ABR: variants seen among roughly 807,000 people sequenced by gnomAD.
ABR encodes the protein ABR activator of RhoGEF and GTPase, also known as active breakpoint cluster region-related protein.
Under a neutral mutation model 107.2 loss-of-function variants are expected in ABR, and 35 were observed. The observed-to-expected ratio is 0.33, with a 90% CI of 0.25 to 0.43. ABR has a LOEUF of 0.43. ABR is among the 20% of genes least tolerant of loss of function. The pLI, the probability that ABR is intolerant of heterozygous loss-of-function variation, is 1.00. For missense variants in ABR, 815 were observed against 1,115.2 expected (o/e 0.73, Z 3.83); for synonymous variants, 498 against 462.0 (o/e 1.08, Z -1.00).
intron 1 of ABR, among the ~76,000 whole-genome samples, chr17:1,167,702 G>C (rs1355787132): frequency 6.6e-6 from 1 of 152,366 alleles, no homozygotes; most frequent in East Asian, 1.9e-4. Flanking sequence ...GGTTGCCGGA[G>C]GCTAAATGAG....
At chr17:1,067,538 C>T (rs1567692467) in intron 9 of ABR, among the ~76,000 whole-genome samples, 3 of 152,216 alleles carry the variant, frequency 2.0e-5, no homozygotes, top group South Asian at 4.1e-4. Context: ...TCAAGAAGAG[C>T]GAAGCCTTCC....
At position 1,148,642 on chromosome 17, in the gene ABR, G is replaced by A. The variant is rs145278375; in HGVS notation, c.62-23275C>T. 9.8e-5 allele frequency among the ~76,000 whole-genome samples: 15 copies of A among 152,326 alleles called. No individual in the cohort carries two copies. The highest frequency in any genetic ancestry group is 3.9e-4 in the East Asian group (2 of 5,178). On this transcript the variant is annotated intron_variant, in intron 1 of 22. Transcript: ENST00000302538. The surrounding 1 kb of genome is among the most constrained non-coding windows in gnomAD (Gnocchi z 4.9). ...GAGCGTGAGCCCTGTCGTGATCTGC[G>A]CGTGCGAGGGATCGCAGTTCCATCC... is the stretch of plus-strand genomic sequence containing the variant.
chr17:1,173,274 A>C (rs2041805682), intron 1 of ABR, among the ~76,000 whole-genome samples: 1 of 105,760 alleles, frequency 9.5e-6, no homozygotes, highest in Non-Finnish European at 2.0e-5. Context: ...CCAACACATC[A>C]CCTCAGCCCA....
At position 1,155,052 on chromosome 17, in the gene ABR, G is replaced by A. The variant is rs564974842; in HGVS notation, c.61+24615C>T. 5.3e-5 allele frequency: 8 copies of A among 152,084 alleles called. No individual in the cohort carries two copies. In the East Asian group the frequency reaches 5.8e-4, roughly 11 times the overall value. The allele number at this position is 152,084 out of a possible 1,614,324, so 9.4% of individuals were successfully genotyped here. The stretch of plus-strand genomic sequence containing the variant: ...GTCACACTGGGCCCTCTCTGTGGTC[G>A]CCTCGATGCCTGTGGGAAGTGATTA... On this transcript the variant is annotated intron_variant, in intron 1 of 22. Transcript: ENST00000302538.
At chr17:1,083,248 G>A (rs973931206) in intron 5 of ABR, 30 of 185,314 alleles carry the variant, frequency 1.6e-4, no homozygotes, top group African/African-American at 6.8e-4. Context: ...TGGTGTGGGA[G>A]AACACTGCCT....
At chr17:1,227,918 C>A (rs1193405377) in intron 1 of ABR, among the ~76,000 whole-genome samples, 1 of 152,202 alleles carries the variant, frequency 6.6e-6, no homozygotes, top group East Asian at 1.9e-4. Flanking sequence ...TGCTGCAAAG[C>A]ACCGTGCATA....
At chr17:1,158,293 G>A (rs932939474) in intron 1 of ABR, among the ~76,000 whole-genome samples, 1 of 150,916 alleles carries the variant, frequency 6.6e-6, no homozygotes, top group African/African-American at 2.4e-5. Flanking sequence ...ATGGAGTTTC[G>A]CCATGTTGCC....
intron 5 of ABR, among the ~76,000 whole-genome samples, chr17:1,081,469 G>C (rs1417743458): frequency 6.6e-6 from 1 of 152,220 alleles, no homozygotes; most frequent in East Asian, 1.9e-4. Flanking sequence ...GGGTCTGGGA[G>C]AAGAAACTAT....
chr17:1,017,510 C>T (rs1334611418), intron 16 of ABR, among the ~76,000 whole-genome samples: 1 of 148,430 alleles, frequency 6.7e-6, no homozygotes, highest in Non-Finnish European at 1.5e-5. Context: ...ACTCTTGTTG[C>T]CCAGGCTGGA....
chr17:1,174,817 C>T (rs2041863212), intron 1 of ABR, among the ~76,000 whole-genome samples: 1 of 152,088 alleles, frequency 6.6e-6, no homozygotes, highest in Non-Finnish European at 1.5e-5. Context: ...CAGCCTCTGC[C>T]TCTCCTCTAA....
intron 14 of ABR, among the ~76,000 whole-genome samples, chr17:1,053,823 ATCTGGGGACATGGAGTGGTGGCG>A (rs1279304140): frequency 2.4e-5 from 3 of 124,268 alleles, no homozygotes; most frequent in South Asian, 6.5e-4. Flanking sequence ...GAGGGGCGGC[ATCTGGGGACATGGAGTGGTGGCG>A]CCTGGTCCAG....
intron 2 of ABR, among the ~76,000 whole-genome samples, chr17:1,109,747 G>A (rs554050087): frequency 1.3e-3 from 201 of 152,208 alleles, no homozygotes; most frequent in Middle Eastern, 3.4e-3. Context: ...GTCAGGCTTT[G>A]CAACAGACAG....
Position 1,078,291 on chromosome 17 carries a change from A to G in ABR, c.700+1039T>C, listed in dbSNP as rs1298471827. Among the ~76,000 whole-genome samples, 2 of 151,984 alleles carry G rather than the reference A, an allele frequency of 1.3e-5. No individual in the cohort carries two copies. Among genetic ancestry groups the G allele is most frequent in the African/African-American group, 4.8e-5 (2 of 41,374 alleles). Reference sequence around the variant, plus strand: ...CTCCGTGTCCTCCGCCTACTGCTGCATGTGCGCGGAGCACACAATACCGTG... The same window carrying G: ...CTCCGTGTCCTCCGCCTACTGCTGCGTGTGCGCGGAGCACACAATACCGTG... On this transcript the variant is annotated intron_variant, in intron 6 of 22. Coordinates refer to ENST00000302538, the MANE Select transcript of ABR (RefSeq NM_021962.5). This position sits in a 1 kb window ranked among gnomAD's most constrained non-coding sequence, Gnocchi z 7.5.
At chr17:1,031,987 C>A in intron 16 of ABR, 1 of 652,124 alleles carries the variant, frequency 1.5e-6, no homozygotes, top group Non-Finnish European at 2.1e-6. Flanking sequence ...GCCTCCCAGG[C>A]CCAGGGCCGC....
chr17:1,012,324 AG>A (rs1300192728), intron 18 of ABR: 2 of 636,654 alleles, frequency 3.1e-6, no homozygotes, highest in Non-Finnish European at 5.8e-6. Flanking sequence ...GCCTGAGACA[AG>A]GGGCCAGGGT....
At chr17:1,067,435 G>T (rs891682613) in intron 9 of ABR, among the ~76,000 whole-genome samples, 193 bp from the exon 10 acceptor site, 1 of 152,178 alleles carries the variant, frequency 6.6e-6, no homozygotes, top group Non-Finnish European at 1.5e-5. Flanking sequence ...TCTGGGGTCC[G>T]CCCCGCCCGC....
intron 7 of ABR, 125 bp downstream of exon 7, chr17:1,073,500 G>T: frequency 1.3e-6 from 1 of 751,358 alleles, no homozygotes; most frequent in Non-Finnish European, 1.9e-6. Flanking sequence ...AGGCATCCTT[G>T]GAGCCTAGGA....
At chr17:1,217,644 A>G (rs2043038468) in intron 1 of ABR, among the ~76,000 whole-genome samples, 1 of 152,216 alleles carries the variant, frequency 6.6e-6, no homozygotes, top group South Asian at 2.1e-4. Flanking sequence ...TAAGTGGCAG[A>G]GCCGTGAATC....
intron 1 of ABR, among the ~76,000 whole-genome samples, chr17:1,205,665 C>T (rs2042774509): frequency 6.6e-6 from 1 of 152,204 alleles, no homozygotes; most frequent in African/African-American, 2.4e-5. Context: ...CCAAAATTGG[C>T]CAGGCGCGGC....
Sources: allele counts gnomAD v4.1 joint callset (sites outside exome capture counted in the v4.1 genomes callset), GRCh38; gene constraint gnomAD v4.1.1; non-coding constraint Gnocchi (gnomAD v3.1); transcripts MANE v1.5; gene names NCBI Gene and HGNC (gene_info 2026-07-23, HGNC 2026-07-21).